RGSL1: variants seen among roughly 807,000 people sequenced by gnomAD.
The protein encoded by RGSL1 is regulator of G protein signaling protein-like.
In RGSL1, 97 loss-of-function variants were observed where a neutral mutation model predicts 124.7. The observed-to-expected ratio is 0.78, with a 90% CI of 0.66 to 0.92. The LOEUF (loss-of-function observed/expected upper bound fraction) is 0.92, where lower values mean the gene tolerates loss of function less well. RGSL1 is among the 40% of genes least tolerant of loss of function. The probability of loss-of-function intolerance (pLI) is 0.00; values close to 1 mark genes in which losing one functional copy is unlikely to be tolerated. For synonymous variants in RGSL1, 424 were observed against 438.1 expected (o/e 0.97, Z 0.40); for missense variants, 1,233 against 1,288.4 (o/e 0.96, Z 0.66).
chr1:182,508,037 A>G (rs1188851325), intron 9 of RGSL1, among the ~76,000 whole-genome samples: 4 of 152,116 alleles, frequency 2.6e-5, no homozygotes, highest in South Asian at 4.1e-4. Context: ...TCTTTAAACT[A>G]TATACCCAGT....
At chr1:182,449,205 A>G (rs1651646289), upstream of RGSL1, 1 of 152,242 alleles carries the variant, frequency 6.6e-6, no homozygotes, top group Admixed American at 6.5e-5. Context: ...TAGAACATCA[A>G]GATGTAAAGC....
rs1472340869 is a variant in RGSL1 at position 182,474,553 on chromosome 1, C to A, written c.1431+11C>A. ...AAGGAGATTTGCAAGGTAGGCCATG[C>A]CTCACAGAAATAAGTTATATCTGGC... On this transcript the variant is annotated intron_variant, in intron 6 of 21. Coordinates refer to ENST00000294854, the MANE Select transcript of RGSL1 (RefSeq NM_001137669.2). 2.6e-6 allele frequency: 4 copies of A among 1,527,012 alleles called. No homozygotes were observed. The highest frequency in any genetic ancestry group is 3.5e-6 in the Non-Finnish European group (4 of 1,134,328). The allele number at this position is 1,527,012 out of a possible 1,614,324, so 94.6% of individuals were successfully genotyped here.
At chr1:182,554,580 T>A (rs1296342653) in intron 19 of RGSL1, 47 bp from the exon 20 acceptor site, 2 of 1,518,556 alleles carry the variant, frequency 1.3e-6, no homozygotes, top group Admixed American at 3.9e-5. Flanking sequence ...AGTGACTGCG[T>A]CTATGTCATG....
At chr1:182,519,283 T>G (rs1417500685) in intron 9 of RGSL1, among the ~76,000 whole-genome samples, 1 of 152,192 alleles carries the variant, frequency 6.6e-6, no homozygotes, top group East Asian at 1.9e-4. Context: ...TGCCCTTTGA[T>G]ATTTCCTTTA....
rs368995341 is a variant in RGSL1 at position 182,554,508 on chromosome 1, C to T, written c.3131-119C>T. 4.0e-5 allele frequency: 31 copies of T among 781,692 alleles called. No homozygotes were observed. The African/African-American group carries it at 4.3e-4, about 11-fold the overall frequency. The allele number at this position is 781,692 out of a possible 1,614,324, so 48.4% of individuals were successfully genotyped here. On this transcript the variant is annotated intron_variant, in intron 19 of 21. Coordinates refer to ENST00000294854, the MANE Select transcript of RGSL1 (RefSeq NM_001137669.2). ...GCCTGCTTTACCTTCACTTTCCAACCCCTACATTGGAGGTGTCCGTGGAAG... is the reference window on the plus strand; with the variant it reads ...GCCTGCTTTACCTTCACTTTCCAACTCCTACATTGGAGGTGTCCGTGGAAG...
chr1:182,466,185 A>C (rs1415427147), intron 4 of RGSL1, among the ~76,000 whole-genome samples: 1 of 152,168 alleles, frequency 6.6e-6, no homozygotes, highest in Non-Finnish European at 1.5e-5. Context: ...TAAAAGCTAC[A>C]TATGAAAAAC....
chr1:182,504,648 C>A (rs1030394066), intron 9 of RGSL1, among the ~76,000 whole-genome samples: 1 of 151,970 alleles, frequency 6.6e-6, no homozygotes, highest in Admixed American at 6.5e-5. Context: ...TATTTAGTGA[C>A]TTTTCTCAAC....
chr1:182,451,768 C>T (rs557138756), intron 1 of RGSL1, among the ~76,000 whole-genome samples: 6 of 149,128 alleles, frequency 4.0e-5, no homozygotes, highest in Non-Finnish European at 7.5e-5. Context: ...GGTGGCAGTA[C>T]GTGTAGGGTG....
At chr1:182,484,060 T>A (rs1223814130) in intron 6 of RGSL1, among the ~76,000 whole-genome samples, 1 of 152,028 alleles carries the variant, frequency 6.6e-6, no homozygotes, top group Non-Finnish European at 1.5e-5. Flanking sequence ...TATCCCAGAC[T>A]CTGAAGCCAG....
chr1:182,551,321 C>A (rs553431677), intron 18 of RGSL1, 112 bp downstream of exon 18: 2 of 809,088 alleles, frequency 2.5e-6, no homozygotes, highest in Non-Finnish European at 4.0e-6. Context: ...TTTGCTGGAG[C>A]CGGGACAGCT....
chr1:182,533,120 T>C (rs996610425), intron 14 of RGSL1, among the ~76,000 whole-genome samples: 1 of 152,216 alleles, frequency 6.6e-6, no homozygotes, highest in Non-Finnish European at 1.5e-5. Flanking sequence ...TAATACATGC[T>C]GTTAATAAAG....
chr1:182,470,794 T>C (rs527780347), intron 4 of RGSL1, among the ~76,000 whole-genome samples: 1 of 152,300 alleles, frequency 6.6e-6, no homozygotes, highest in Non-Finnish European at 1.5e-5. Context: ...ACTGAAAGAA[T>C]GAATGAATAA....
intron 9 of RGSL1, among the ~76,000 whole-genome samples, chr1:182,517,282 G>GGTT (rs1553268397): frequency 7.0e-6 from 1 of 142,512 alleles, no homozygotes; most frequent in African/African-American, 2.6e-5. Flanking sequence ...TTCTATTTCT[G>GGTT]TTTTTTTTTT....
In RGSL1 at chr1:182,551,083, A is replaced by G; in HGVS notation, c.2934-17A>G. 6.5e-7 allele frequency: 1 copy of G among 1,535,448 alleles called. No individual in the cohort carries two copies. Among genetic ancestry groups the G allele is most frequent in the Non-Finnish European group, 8.8e-7 (1 of 1,132,288 alleles). ...CTGGGGGTTCCCTCCTATGACCAGAAGCCATTCTTCCCACAGGTTTTGTTT... is the reference window on the plus strand; with the variant it reads ...CTGGGGGTTCCCTCCTATGACCAGAGGCCATTCTTCCCACAGGTTTTGTTT... On this transcript the variant is annotated splice_polypyrimidine_tract_variant and intron_variant, in intron 17 of 21. Coordinates refer to ENST00000294854, the MANE Select transcript of RGSL1 (RefSeq NM_001137669.2).
At chr1:182,492,170 G>T (rs1205640395) in intron 8 of RGSL1, among the ~76,000 whole-genome samples, 1 of 152,160 alleles carries the variant, frequency 6.6e-6, no homozygotes, top group Non-Finnish European at 1.5e-5. Context: ...ATTCTTAGGG[G>T]CTTCAATTTT....
chr1:182,530,538 T>C (rs10642061), intron 12 of RGSL1, among the ~76,000 whole-genome samples, 177 bp downstream of exon 12: 67 of 149,252 alleles, frequency 4.5e-4, no homozygotes, highest in East Asian at 1.4e-3. Context: ...CACACACACA[T>C]ACACACACAC....
At chr1:182,554,510 C>T (rs1179912575) in intron 19 of RGSL1, 117 bp from the exon 20 acceptor site, 2 of 805,298 alleles carry the variant, frequency 2.5e-6, no homozygotes, top group African/African-American at 1.7e-5. Flanking sequence ...TTTCCAACCC[C>T]TACATTGGAG....
intron 21 of RGSL1, 35 bp downstream of exon 21, chr1:182,556,257 C>T (rs569996788): frequency 1.8e-6 from 1 of 563,442 alleles, no homozygotes; most frequent in Non-Finnish European, 3.2e-6. Context: ...GGAAGCGCAT[C>T]TTTCCACTAC....
chr1:182,450,305 G>A (rs982544497), intron 1 of RGSL1, 127 bp downstream of exon 1: 10 of 1,042,296 alleles, frequency 9.6e-6, no homozygotes, highest in Non-Finnish European at 1.2e-5. Context: ...TGTTATTCAT[G>A]CCTTTGTTTT....
Sources: allele counts gnomAD v4.1 joint callset (sites outside exome capture counted in the v4.1 genomes callset), GRCh38; gene constraint gnomAD v4.1.1; transcripts MANE v1.5; gene names NCBI Gene and HGNC (gene_info 2026-07-23, HGNC 2026-07-21).